MACF1: variants seen among roughly 807,000 people sequenced by gnomAD.
MACF1 encodes microtubule actin crosslinking factor 1.
MACF1 carries 193 observed loss-of-function variants against 854.8 expected under a neutral mutation model. That is an observed-to-expected ratio of 0.23 (90% CI 0.20 to 0.25). The LOEUF (loss-of-function observed/expected upper bound fraction) is 0.25. Ranked by LOEUF, MACF1 falls within the 10% of genes least tolerant of loss-of-function variation. The pLI is 1.00. For synonymous variants in MACF1, 3,185 were observed against 3,226.7 expected (o/e 0.99, Z 0.44); for missense variants, 7,722 against 8,929.1 (o/e 0.86, Z 5.45).
intron 54 of MACF1, 77 bp downstream of exon 54, chr1:39,379,521 G>T: frequency 6.7e-7 from 1 of 1,497,626 alleles, no homozygotes; most frequent in Admixed American, 2.2e-5. Context: ...CCAAGCCCAG[G>T]TATCTGAGAG....
At position 39,460,383 on chromosome 1, in the gene MACF1, C is replaced by T. The variant is rs529244661; in HGVS notation, c.21361-249C>T. 1.3e-5 allele frequency among the ~76,000 whole-genome samples: 2 copies of T among 152,298 alleles called. No homozygotes were observed. Among genetic ancestry groups the T allele is most frequent in the East Asian group, 3.9e-4 (2 of 5,190 alleles). On this transcript the variant is annotated intron_variant, in intron 91 of 100. Transcript: ENST00000564288. The surrounding 1 kb of genome is among the most constrained non-coding windows in gnomAD (Gnocchi z 4.1). ...TCACCCATTCTCATTCTGTGTGCTC[C>T]ATATTTTCCATGGTGATTCAGTTAT...
rs763904414 is a variant in MACF1 at position 39,336,622 on chromosome 1, G to A, written c.10034G>A (p.Gly3345Asp). The change falls in exon 37 of 101, where the codon GGT (glycine) becomes GAT (aspartate). Residue 3345 changes from glycine to aspartate, a missense_variant. Transcript: ENST00000564288. ...GCACCTGAAGGAAAGGGAAATGGAG[G>A]TGTAAACCCAGAGCCCTTCAGAGCA... ...MTAPEGKGNG[G>D]VNPEPFRATQ... 2.5e-6 allele frequency: 4 copies of A among 1,612,738 alleles called. No homozygotes were observed. The highest frequency in any genetic ancestry group is 2.2e-5 in the East Asian group (1 of 44,882).
intron 2 of MACF1, among the ~76,000 whole-genome samples, chr1:39,101,371 T>A (rs149367682): frequency 0.01 from 607 of 58,326 alleles, 4 homozygotes; most frequent in South Asian, 0.05. Context: ...AAAAAAAAAA[T>A]ATGTATATAT....
chr1:39,444,969 G>A (rs187392983), intron 80 of MACF1, 134 bp downstream of exon 80: 16 of 702,140 alleles, frequency 2.3e-5, no homozygotes, highest in Admixed American at 6.5e-5. Flanking sequence ...TTCCATCTGT[G>A]TTGAGTTGCA....
chr1:39,167,339 C>A (rs1180747605), intron 2 of MACF1, among the ~76,000 whole-genome samples: 1 of 151,404 alleles, frequency 6.6e-6, no homozygotes, highest in Non-Finnish European at 1.5e-5. Context: ...CTTTGGGAGG[C>A]TGAGGCGGGT....
At chr1:39,371,971 G>T (rs904418687) in intron 51 of MACF1, among the ~76,000 whole-genome samples, 1 of 150,952 alleles carries the variant, frequency 6.6e-6, no homozygotes, top group African/African-American at 2.5e-5. Flanking sequence ...CTGCCACCAC[G>T]CCCGGCTAAT....
chr1:39,479,077 A>G (rs980912645), intron 97 of MACF1, among the ~76,000 whole-genome samples: 7 of 152,218 alleles, frequency 4.6e-5, no homozygotes, highest in Non-Finnish European at 1.0e-4. Context: ...GAAAGCCATA[A>G]GACAGCGCTA....
chr1:39,266,393 G>A (rs1391150327), intron 6 of MACF1, among the ~76,000 whole-genome samples: 2 of 152,142 alleles, frequency 1.3e-5, no homozygotes, highest in East Asian at 3.8e-4. Context: ...TCTCTCCCAT[G>A]CTCTCTGCTT....
At chr1:39,145,480 T>TC (rs1643442778) in intron 2 of MACF1, among the ~76,000 whole-genome samples, 1 of 152,054 alleles carries the variant, frequency 6.6e-6, no homozygotes, top group Non-Finnish European at 1.5e-5. Context: ...AGATAAAAAT[T>TC]CCTTTAAGCT....
chr1:39,432,401 C>T, intron 66 of MACF1, 134 bp from the exon 67 acceptor site: 12 of 645,198 alleles, frequency 1.9e-5, no homozygotes, highest in South Asian at 5.0e-5. Flanking sequence ...GAAATTCTTC[C>T]CAGTTTTGAC....
In MACF1 at chr1:39,479,795, T is replaced by C. The variant is rs370885997; in HGVS notation, c.21959-3T>C. 1.0e-4 allele frequency: 164 copies of C among 1,613,642 alleles called. 3 individuals are homozygous for C. In the South Asian group the frequency reaches 1.5e-3, roughly 15 times the overall value. ...ATTGTGTGTGTGTTTATTTCCTTTT[T>C]AGCACGAGGTAGAACTAACATTGAA... On this transcript the variant is annotated splice_region_variant and splice_polypyrimidine_tract_variant and intron_variant, in intron 97 of 100. Transcript: ENST00000564288.
chr1:39,327,955 G>A (rs370047046), intron 36 of MACF1, among the ~76,000 whole-genome samples: 1 of 152,074 alleles, frequency 6.6e-6, no homozygotes, highest in Non-Finnish European at 1.5e-5. Flanking sequence ...ATACTTGTGC[G>A]TGTGTGTACA....
chr1:39,410,688 C>T (rs772409781), intron 58 of MACF1: 5 of 1,613,728 alleles, frequency 3.1e-6, no homozygotes, highest in Non-Finnish European at 4.2e-6. Context: ...CACCCAACTT[C>T]CCAGAATTTG....
chr1:39,302,798 G>C (rs1434479079), intron 22 of MACF1, 126 bp from the exon 23 acceptor site: 4 of 851,896 alleles, frequency 4.7e-6, no homozygotes, highest in Non-Finnish European at 7.1e-6. Flanking sequence ...CCCTCACTAA[G>C]TGATAGCAGA....
At chr1:39,161,746 A>G (rs1416003648) in intron 2 of MACF1, among the ~76,000 whole-genome samples, 2 of 152,042 alleles carry the variant, frequency 1.3e-5, no homozygotes, top group African/African-American at 4.8e-5. Flanking sequence ...GGGCGCCTGT[A>G]GTCCCAGCTA....
At chr1:39,289,885 G>A (rs1228175297) in intron 15 of MACF1, among the ~76,000 whole-genome samples, 1 of 151,560 alleles carries the variant, frequency 6.6e-6, no homozygotes, top group Non-Finnish European at 1.5e-5. Flanking sequence ...ATTTTTAGTA[G>A]AGATGGGGTT....
chr1:39,396,616 G>T (rs1387228571), intron 58 of MACF1, among the ~76,000 whole-genome samples: 3 of 152,212 alleles, frequency 2.0e-5, no homozygotes, highest in Non-Finnish European at 4.4e-5. Context: ...ATGGTAAATG[G>T]TCTCAGCCTT....
intron 1 of MACF1, among the ~76,000 whole-genome samples, chr1:39,214,632 G>C (rs1187474748): frequency 6.6e-6 from 1 of 152,210 alleles, no homozygotes; most frequent in African/African-American, 2.4e-5. Context: ...GGCGAGGCTG[G>C]CTGAGGTGGG....
At chr1:39,352,831 A>T (rs1447269792) in intron 43 of MACF1, among the ~76,000 whole-genome samples, 176 bp from the exon 44 acceptor site, 2 of 151,736 alleles carry the variant, frequency 1.3e-5, no homozygotes, top group Non-Finnish European at 1.5e-5. Flanking sequence ...TATTTTTAAT[A>T]ATTTTTCAAA....
Sources: gnomAD v4.1 joint callset for allele counts (sites outside exome capture counted in the v4.1 genomes callset) on GRCh38, gnomAD v4.1.1 for gene constraint, Gnocchi (gnomAD v3.1) non-coding constraint, MANE v1.5 for transcripts, NCBI Gene and HGNC (gene_info 2026-07-23, HGNC 2026-07-21) for gene names.